The following TTC7B variants were observed in gnomAD, a reference collection of about 807,000 sequenced individuals.
The protein encoded by TTC7B is tetratricopeptide repeat protein 7B.
Under a neutral mutation model 106.8 loss-of-function variants are expected in TTC7B, and 28 were observed. The observed-to-expected ratio is 0.26, with a 90% CI of 0.19 to 0.36. The LOEUF (loss-of-function observed/expected upper bound fraction) is 0.36, where lower values mean the gene tolerates loss of function less well. Ranked by LOEUF, TTC7B falls within the 10% of genes least tolerant of loss-of-function variation. The pLI is 1.00. For missense variants in TTC7B, 862 were observed against 1,076.4 expected (o/e 0.80, Z 2.79); for synonymous variants, 405 against 430.6 (o/e 0.94, Z 0.74).
chr14:90,571,096 C>A (rs780588811), intron 19 of TTC7B, among the ~76,000 whole-genome samples: 21 of 152,172 alleles, frequency 1.4e-4, no homozygotes, highest in Non-Finnish European at 2.8e-4. Flanking sequence ...ACAGCAGGGT[C>A]CCCATCAGTA....
intron 3 of TTC7B, among the ~76,000 whole-genome samples, chr14:90,751,206 G>A (rs981247065): frequency 1.3e-5 from 2 of 152,086 alleles, no homozygotes; most frequent in African/African-American, 4.8e-5. Flanking sequence ...TACAAAAAGG[G>A]TGGAAATTCA....
At chr14:90,671,238 A>G (rs928259003) in intron 9 of TTC7B, among the ~76,000 whole-genome samples, 2 of 152,230 alleles carry the variant, frequency 1.3e-5, no homozygotes, top group African/African-American at 4.8e-5. Context: ...CTGATTAAAT[A>G]AGCATTTAGG....
At chr14:90,725,821 A>G (rs1889078565) in intron 5 of TTC7B, among the ~76,000 whole-genome samples, 1 of 152,246 alleles carries the variant, frequency 6.6e-6, no homozygotes, top group Non-Finnish European at 1.5e-5. Context: ...AAAACACACT[A>G]CAATCCGTTT....
intron 7 of TTC7B, 129 bp from the exon 8 acceptor site, chr14:90,680,664 C>G (rs1289161189): frequency 4.7e-6 from 3 of 645,062 alleles, no homozygotes; most frequent in African/African-American, 3.7e-5. Context: ...AATTTGGACA[C>G]TTGAATTAAT....
intron 2 of TTC7B, among the ~76,000 whole-genome samples, chr14:90,781,530 C>T (rs1003630969): frequency 7.9e-5 from 12 of 152,084 alleles, no homozygotes; most frequent in African/African-American, 2.7e-4. Context: ...TGGGCTGGGC[C>T]GGCTGGGAAG....
intron 5 of TTC7B, among the ~76,000 whole-genome samples, chr14:90,712,665 T>C (rs1025955055): frequency 3.3e-5 from 5 of 152,104 alleles, no homozygotes; most frequent in African/African-American, 1.2e-4. Context: ...TATTTGCTAC[T>C]GTGAATCTGG....
intron 16 of TTC7B, among the ~76,000 whole-genome samples, chr14:90,614,944 T>C (rs981721949): frequency 9.9e-5 from 15 of 152,156 alleles, no homozygotes; most frequent in African/African-American, 3.6e-4. Flanking sequence ...TGAGGGAGCC[T>C]TACACTTCAC....
chr14:90,673,054 T>G (rs533557792), intron 9 of TTC7B, among the ~76,000 whole-genome samples: 1 of 152,264 alleles, frequency 6.6e-6, no homozygotes, highest in East Asian at 1.9e-4. Context: ...AAACCAAAGC[T>G]CTCTGACTCT....
At chr14:90,760,501 G>T (rs1049408845) in intron 3 of TTC7B, among the ~76,000 whole-genome samples, 1 of 152,166 alleles carries the variant, frequency 6.6e-6, no homozygotes, top group East Asian at 1.9e-4. Flanking sequence ...ACACTGGCTT[G>T]TCCTGACACT....
chr14:90,613,921 T>C (rs1039267224), intron 16 of TTC7B, among the ~76,000 whole-genome samples: 4 of 152,384 alleles, frequency 2.6e-5, no homozygotes, highest in Admixed American at 6.5e-5. Context: ...GTTAAAGTTA[T>C]ACCGGCTATT....
At chr14:90,602,578 G>A (rs1170022335) in intron 17 of TTC7B, among the ~76,000 whole-genome samples, 3 of 152,074 alleles carry the variant, frequency 2.0e-5, no homozygotes, top group Non-Finnish European at 4.4e-5. Context: ...GCGTGTGCAT[G>A]GTGTCCCAGC....
Position 90,657,925 on chromosome 14 carries a change from G to T in TTC7B, c.1236+379C>A. ...CTCCCTCAGCCCACATTTTCATCCA[G>T]TATCATGCACTGCCTAATATAACAC... On this transcript the variant is annotated intron_variant, in intron 10 of 19. Transcript: ENST00000328459. This position sits in a 1 kb window ranked among gnomAD's most constrained non-coding sequence, Gnocchi z 4.2. The T allele has an allele frequency of 4.7e-6, 1 of 214,576 alleles. No individual in the cohort carries two copies. Among genetic ancestry groups the T allele is most frequent in the South Asian group, 6.8e-5 (1 of 14,640 alleles). 13.3% of individuals were successfully genotyped at this position (214,576 alleles called of 1,614,324 possible).
chr14:90,745,582 C>T (rs1469358534), intron 3 of TTC7B, among the ~76,000 whole-genome samples: 2 of 152,184 alleles, frequency 1.3e-5, no homozygotes, highest in East Asian at 3.9e-4. Flanking sequence ...GTGGTTACAT[C>T]GACTGATCAT....
intron 5 of TTC7B, among the ~76,000 whole-genome samples, chr14:90,714,601 C>T (rs924543289): frequency 5.9e-5 from 9 of 151,838 alleles, no homozygotes; most frequent in Middle Eastern, 6.8e-3. Context: ...GGATTACAGG[C>T]GGCTGTCACC....
chr14:90,687,652 A>G (rs1430983043), intron 7 of TTC7B, among the ~76,000 whole-genome samples: 1 of 152,220 alleles, frequency 6.6e-6, no homozygotes, highest in Non-Finnish European at 1.5e-5. Flanking sequence ...CCTGCTTCAC[A>G]ATGAGGGGTC....
At position 90,759,220 on chromosome 14, in the gene TTC7B, C is replaced by T. The variant is rs961592145; in HGVS notation, c.446-14298G>A. Reference sequence around the variant, plus strand: ...TCCACAGAACAATCTGTGTTCTGCTCCCGCCCCCGAGAGAGTTCTGAGCTT... The same window carrying T: ...TCCACAGAACAATCTGTGTTCTGCTTCCGCCCCCGAGAGAGTTCTGAGCTT... On this transcript the variant is annotated intron_variant, in intron 3 of 19. Coordinates refer to ENST00000328459, the MANE Select transcript of TTC7B (RefSeq NM_001010854.2). This position sits in a 1 kb window ranked among gnomAD's most constrained non-coding sequence, Gnocchi z 4.1. Among the ~76,000 whole-genome samples, 12 of 152,236 alleles carry T rather than the reference C, an allele frequency of 7.9e-5. No homozygotes were observed. The highest frequency in any genetic ancestry group is 1.3e-4 in the Non-Finnish European group (9 of 68,002).
intron 3 of TTC7B, among the ~76,000 whole-genome samples, chr14:90,751,476 C>A (rs538760938): frequency 6.6e-6 from 1 of 152,220 alleles, no homozygotes; most frequent in Non-Finnish European, 1.5e-5. Flanking sequence ...CTCACTGCAG[C>A]CTTGAATTCC....
At chr14:90,561,255 C>G (rs748693561) in intron 19 of TTC7B, among the ~76,000 whole-genome samples, 32 of 152,360 alleles carry the variant, frequency 2.1e-4, no homozygotes, top group Non-Finnish European at 3.5e-4. Flanking sequence ...CTGCTTCACT[C>G]AGAAGGTCAC....
chr14:90,553,112 CA>C lies in TTC7B; in HGVS notation c.2311-11524del, dbSNP rs574701939. On this transcript the variant is annotated intron_variant, in intron 19 of 19. Transcript: ENST00000328459. ...GTGTGCCGAGTATTCCAGGAGGGAG[CA>C]GGGGAGACCCCCAGCATGCCCTCTC... 2.0e-5 allele frequency among the ~76,000 whole-genome samples: 3 copies of C among 152,248 alleles called. No homozygotes were observed. In the South Asian group the frequency reaches 6.2e-4, roughly 32 times the overall value.
Sources: gnomAD v4.1 joint callset for allele counts (sites outside exome capture counted in the v4.1 genomes callset) on GRCh38, gnomAD v4.1.1 for gene constraint, Gnocchi (gnomAD v3.1) non-coding constraint, MANE v1.5 for transcripts, NCBI Gene and HGNC (gene_info 2026-07-23, HGNC 2026-07-21) for gene names.